P2RX3: variants seen among roughly 807,000 people sequenced by gnomAD.
P2RX3 encodes purinergic receptor P2X 3.
In P2RX3, 41 loss-of-function variants were observed where a neutral mutation model predicts 51.5. The ratio of observed to expected loss-of-function variants is 0.80; its 90% confidence interval spans 0.62 to 1.03. The LOEUF (loss-of-function observed/expected upper bound fraction) is 1.03. Ranked by LOEUF, P2RX3 falls within the 50% of genes least tolerant of loss-of-function variation. The pLI, the probability that P2RX3 is intolerant of heterozygous loss-of-function variation, is 0.00. For missense variants in P2RX3, 459 were observed against 522.1 expected (o/e 0.88, Z 1.18); for synonymous variants, 185 against 191.6 (o/e 0.97, Z 0.29).
chr11:57,350,791 G>C lies in P2RX3; in HGVS notation c.735G>C (p.Trp245Cys). 6.2e-7 allele frequency: 1 copy of C among 1,613,902 alleles called. No homozygotes were observed. The highest frequency in any genetic ancestry group is 1.1e-5 in the South Asian group (1 of 91,050). ...TGGVLGIKIG[W>C]VCDLDKAWDQ... ...GAGTTCTGGGCATTAAGATCGGCTG[G>C]GTGTGCGACTTGGACAAGGCCTGGG... Residue 245 changes from tryptophan to cysteine, a missense_variant, in exon 8 of 12, where the codon TGG becomes TGC. Coordinates refer to ENST00000263314, the MANE Select transcript of P2RX3 (RefSeq NM_002559.5).
In P2RX3 at chr11:57,369,869, C is replaced by T. The variant is rs1410665040; in HGVS notation, c.1081-15C>T. 3 of 1,570,920 alleles carry T rather than the reference C, an allele frequency of 1.9e-6. No individual in the cohort carries two copies. The highest frequency in any genetic ancestry group is 2.6e-6 in the Non-Finnish European group (3 of 1,141,744). On this transcript the variant is annotated splice_polypyrimidine_tract_variant and intron_variant, in intron 11 of 11. Coordinates refer to ENST00000263314, the MANE Select transcript of P2RX3 (RefSeq NM_002559.5). Reference sequence around the variant, plus strand: ...CATAGTCAGAACTTGACAACACCAGCTCTTTCGCCTGCAGGTGAATGAGAC... The same window carrying T: ...CATAGTCAGAACTTGACAACACCAGTTCTTTCGCCTGCAGGTGAATGAGAC...
At chr11:57,354,850 G>A (rs1320276854) in intron 8 of P2RX3, among the ~76,000 whole-genome samples, 1 of 152,166 alleles carries the variant, frequency 6.6e-6, no homozygotes, top group African/African-American at 2.4e-5. Context: ...GGTAATCTGA[G>A]GAGAGTTTAA....
chr11:57,355,427 A>G (rs1405157253), intron 8 of P2RX3, among the ~76,000 whole-genome samples: 3 of 136,664 alleles, frequency 2.2e-5, no homozygotes, highest in African/African-American at 5.6e-5. Flanking sequence ...TGCAACCTCT[A>G]CCTCCCGGGT....
At chr11:57,337,894 G>A (rs1261832538), upstream of P2RX3, among the ~76,000 whole-genome samples, 1 of 152,264 alleles carries the variant, frequency 6.6e-6, no homozygotes, top group Non-Finnish European at 1.5e-5. Context: ...CAGGTAGAGC[G>A]AAGCTCATTA....
At chr11:57,354,036 T>C (rs1194951672) in intron 8 of P2RX3, among the ~76,000 whole-genome samples, 3 of 152,176 alleles carry the variant, frequency 2.0e-5, no homozygotes, top group Admixed American at 2.0e-4. Flanking sequence ...GTGACCCTTG[T>C]GATTTAAAGG....
chr11:57,369,979 C>T lies in P2RX3; in HGVS notation c.1176C>T (p.Ala392=), dbSNP rs1388016033. The part of the protein sequence containing the change: ...TAEKQSTDSG[A]FSIGH ...AGAAGCAGTCCACCGATTCGGGGGC[C>T]TTCTCCATAGGCCACTAGGGCCTCT... Residue 392 remains alanine, a synonymous_variant, in exon 12 of 12, where the codon GCC becomes GCT. Coordinates refer to ENST00000263314, the MANE Select transcript of P2RX3 (RefSeq NM_002559.5). The T allele has an allele frequency of 1.9e-6, 3 of 1,613,454 alleles. No individual in the cohort carries two copies. The highest frequency in any genetic ancestry group is 1.1e-5 in the South Asian group (1 of 91,024).
intron 6 of P2RX3, among the ~76,000 whole-genome samples, chr11:57,349,535 G>A (rs1470889617): frequency 6.6e-6 from 1 of 152,144 alleles, no homozygotes; most frequent in African/African-American, 2.4e-5. Context: ...CTGGCAGCTG[G>A]AGATTAGTCA....
intron 8 of P2RX3, among the ~76,000 whole-genome samples, chr11:57,367,108 GT>G (rs1856809548): frequency 6.6e-6 from 1 of 151,752 alleles, no homozygotes; most frequent in Admixed American, 6.6e-5. Context: ...ACAACAATGG[GT>G]TTCCTGAGTG....
intron 8 of P2RX3, among the ~76,000 whole-genome samples, chr11:57,365,661 T>G (rs555255551): frequency 6.6e-6 from 1 of 152,306 alleles, no homozygotes; most frequent in East Asian, 1.9e-4. Context: ...CCTGTGCTTA[T>G]AGACATGGAA....
At position 57,347,098 on chromosome 11, in the gene P2RX3, CCTT is replaced by C. The variant is rs1054024143; in HGVS notation, c.256-12_256-10del. On this transcript the variant is annotated splice_polypyrimidine_tract_variant and intron_variant, in intron 2 of 11. Transcript: ENST00000263314. ...TGGGACTGTTGGATGTTTTTCTCTC[CCTT>C]CTTCTCCTCCCAAGGGCACCTCGGT... 13 of 1,611,276 alleles carry C rather than the reference CCTT, an allele frequency of 8.1e-6. No individual in the cohort carries two copies. The highest frequency in any genetic ancestry group is 1.0e-5 in the Non-Finnish European group (12 of 1,178,106).
chr11:57,357,660 A>C (rs1856651413), intron 8 of P2RX3, among the ~76,000 whole-genome samples: 1 of 152,210 alleles, frequency 6.6e-6, no homozygotes, highest in African/African-American at 2.4e-5. Flanking sequence ...AAAGATCAAC[A>C]AGAAGCGTTT....
At chr11:57,364,853 C>T (rs917217328) in intron 8 of P2RX3, among the ~76,000 whole-genome samples, 6 of 152,116 alleles carry the variant, frequency 3.9e-5, no homozygotes, top group African/African-American at 1.4e-4. Context: ...AGTGGTTGCA[C>T]TTCTTTCTGC....
At position 57,338,361 on chromosome 11, in the gene P2RX3, G is replaced by A. The variant is rs1856272959; in HGVS notation, c.-190G>A. On this transcript the variant is annotated 5_prime_UTR_variant, in exon 1 of 12. Coordinates refer to ENST00000263314, the MANE Select transcript of P2RX3 (RefSeq NM_002559.5). ...CCCCCGCCCTGGTCCTGGCCTCTTG[G>A]AAGCCAGAGTATCAAGAGCAGAGAA... 2.1e-6 allele frequency: 1 copy of A among 465,714 alleles called. No individual in the cohort carries two copies. The highest frequency in any genetic ancestry group is 3.9e-6 in the Non-Finnish European group (1 of 255,532). 28.8% of individuals were successfully genotyped at this position (465,714 alleles called of 1,614,324 possible).
At chr11:57,338,857 G>A (rs1199675659) in intron 1 of P2RX3, among the ~76,000 whole-genome samples, 188 bp downstream of exon 1, 5 of 152,178 alleles carry the variant, frequency 3.3e-5, no homozygotes, top group African/African-American at 4.8e-5. Flanking sequence ...ATTCACCCAG[G>A]TGAATTCTTT....
intron 8 of P2RX3, among the ~76,000 whole-genome samples, chr11:57,352,899 GAGA>G (rs1032075879): frequency 2.6e-5 from 4 of 152,320 alleles, no homozygotes; most frequent in Admixed American, 6.5e-5. Context: ...CCCCAGGCCA[GAGA>G]AGAAGGAGGC....
upstream of P2RX3, among the ~76,000 whole-genome samples, chr11:57,337,019 C>T (rs191687861): frequency 4.9e-4 from 74 of 152,240 alleles, no homozygotes; most frequent in African/African-American, 1.3e-3. Context: ...CGGCCAGGCA[C>T]GGTGGCTCAC....
chr11:57,355,900 C>T (rs1230052572), intron 8 of P2RX3, among the ~76,000 whole-genome samples: 1 of 152,180 alleles, frequency 6.6e-6, no homozygotes, highest in Non-Finnish European at 1.5e-5. Flanking sequence ...TGTGGAAGCT[C>T]CTGCCTGTAA....
At chr11:57,350,923 C>G in intron 8 of P2RX3, 25 bp downstream of exon 8, 1 of 1,613,910 alleles carries the variant, frequency 6.2e-7, no homozygotes, top group East Asian at 2.2e-5. Flanking sequence ...CCTGGGACAC[C>G]AGGAGAAGAA....
Position 57,370,798 on chromosome 11 carries a change from C to T in P2RX3, c.*801C>T, listed in dbSNP as rs1292616047. On this transcript the variant is annotated 3_prime_UTR_variant, in exon 12 of 12. Transcript: ENST00000263314. ...TCATTCTTGTTCTTCTCTGGGACCC[C>T]ACACCCACACACATCTGGGCCCCCT... Among the ~76,000 whole-genome samples, 1 of 152,190 alleles carries T rather than the reference C, an allele frequency of 6.6e-6. No individual in the cohort carries two copies. The highest frequency in any genetic ancestry group is 1.5e-5 in the Non-Finnish European group (1 of 68,036).
Sources: allele counts gnomAD v4.1 joint callset (sites outside exome capture counted in the v4.1 genomes callset), GRCh38; gene constraint gnomAD v4.1.1; transcripts MANE v1.5; gene names NCBI Gene and HGNC (gene_info 2026-07-23, HGNC 2026-07-21).